The following ITIH2 variants were observed in gnomAD, a reference collection of about 807,000 sequenced individuals.
ITIH2 encodes inter-alpha-trypsin inhibitor heavy chain 2.
ITIH2 carries 103 observed loss-of-function variants against 104.4 expected under a neutral mutation model. That is an observed-to-expected ratio of 0.99 (90% CI 0.84 to 1.16). ITIH2 has a LOEUF of 1.16. Ranked by LOEUF, ITIH2 falls within the 50% of genes most tolerant of loss-of-function variation. ITIH2 has a pLI of 0.00. For synonymous variants in ITIH2, 436 were observed against 435.4 expected (o/e 1.00, Z -0.02); for missense variants, 1,108 against 1,162.4 (o/e 0.95, Z 0.68).
At chr10:7,714,322 T>C (rs1247335061) in intron 5 of ITIH2, among the ~76,000 whole-genome samples, 3 of 151,826 alleles carry the variant, frequency 2.0e-5, no homozygotes, top group East Asian at 1.9e-4. Flanking sequence ...CAGGCACCCA[T>C]CACCATGCCC....
chr10:7,742,334 C>T (rs1835134745), intron 16 of ITIH2, among the ~76,000 whole-genome samples: 1 of 152,060 alleles, frequency 6.6e-6, no homozygotes, highest in South Asian at 2.1e-4. Flanking sequence ...GGAGTACTTT[C>T]TTGGGAGTAG....
At chr10:7,725,977 G>C (rs1564302351) in intron 9 of ITIH2, among the ~76,000 whole-genome samples, 1 of 152,204 alleles carries the variant, frequency 6.6e-6, no homozygotes, top group African/African-American at 2.4e-5. Flanking sequence ...GGCCCTGGAA[G>C]ACAATTGAGG....
chr10:7,730,153 T>C lies in ITIH2; in HGVS notation c.1461+20T>C, dbSNP rs1187441740. ...CTTAAGGTAACATTTTCTTCTGTTC[T>C]TTTTTTATTCTTCACTGGAAATCAT... On this transcript the variant is annotated intron_variant, in intron 12 of 20. Transcript: ENST00000358415. 1.9e-6 allele frequency: 3 copies of C among 1,549,268 alleles called. No individual in the cohort carries two copies. The highest frequency in any genetic ancestry group is 2.3e-5 in the East Asian group (1 of 44,254).
rs145255855 is a variant in ITIH2 at position 7,729,988 on chromosome 10, A to G, written c.1316A>G (p.Lys439Arg). 2 of 1,609,040 alleles carry G rather than the reference A, an allele frequency of 1.2e-6. No individual in the cohort carries two copies. Among genetic ancestry groups the G allele is most frequent in the Non-Finnish European group, 1.7e-6 (2 of 1,178,518 alleles). The change falls in exon 12 of 21, where the codon AAG (lysine) becomes AGG (arginine). Residue 439 changes from lysine (K) to arginine (R), a missense_variant. Coordinates refer to ENST00000358415, the MANE Select transcript of ITIH2 (RefSeq NM_002216.3). Reference protein sequence around the residue: ...LKLSKIQKNVKENIQDNISLF... With the variant: ...LKLSKIQKNVRENIQDNISLF... ...CTGTCAAAAATTCAGAAAAACGTTAAGGAGAACATCCAAGACAATATCTCC... is the reference window on the plus strand; with the variant it reads ...CTGTCAAAAATTCAGAAAAACGTTAGGGAGAACATCCAAGACAATATCTCC...
Position 7,715,294 on chromosome 10 carries a change from G to A in ITIH2, c.467+2009G>A, listed in dbSNP as rs529642201. On this transcript the variant is annotated intron_variant, in intron 5 of 20. Transcript: ENST00000358415. ...AAATTAGCTGGGCGTGGTGGCGTGT[G>A]CCTGTAATCCCAGCTACTCAGGAGG... Among the ~76,000 whole-genome samples, 10 of 152,184 alleles carry A rather than the reference G, an allele frequency of 6.6e-5. No homozygotes were observed. In the East Asian group the frequency reaches 1.9e-3, roughly 29 times the overall value.
rs186624435 is a variant in ITIH2, at chr10:7,704,280, C to T, written c.84+762C>T. 6.0e-4 allele frequency among the ~76,000 whole-genome samples: 92 copies of T among 152,290 alleles called. No homozygotes were observed. The East Asian group carries it at 0.01, about 17-fold the overall frequency. On this transcript the variant is annotated intron_variant, in intron 1 of 20. Coordinates refer to ENST00000358415, the MANE Select transcript of ITIH2 (RefSeq NM_002216.3). Reference sequence around the variant, plus strand: ...CCTATAAAAATGCCAGAGAATATGACGGCATATTTACAAAGGGAAAATATC... The same window carrying T: ...CCTATAAAAATGCCAGAGAATATGATGGCATATTTACAAAGGGAAAATATC...
At chr10:7,733,089 C>T (rs759901981) in intron 14 of ITIH2, among the ~76,000 whole-genome samples, 1 of 152,000 alleles carries the variant, frequency 6.6e-6, no homozygotes, top group Non-Finnish European at 1.5e-5. Flanking sequence ...CGTGTAATCA[C>T]CACCCAGATC....
At chr10:7,732,116 G>T (rs924466647) in intron 13 of ITIH2, 120 bp downstream of exon 13, 14 of 897,104 alleles carry the variant, frequency 1.6e-5, no homozygotes, top group Non-Finnish European at 2.4e-5. Flanking sequence ...CAGTGATGGA[G>T]AAGGCATGAG....
At chr10:7,726,729 T>C (rs927748879) in intron 9 of ITIH2, among the ~76,000 whole-genome samples, 1 of 152,208 alleles carries the variant, frequency 6.6e-6, no homozygotes, top group Non-Finnish European at 1.5e-5. Context: ...TGGTTGTGCA[T>C]AGCAAAATAG....
At chr10:7,720,730 TG>T in intron 6 of ITIH2, 125 bp from the exon 7 acceptor site, 1 of 607,456 alleles carries the variant, frequency 1.6e-6, no homozygotes, top group Non-Finnish European at 3.0e-6. Context: ...GGAGAGATCG[TG>T]GAGTCGTGCC....
chr10:7,712,369 G>A (rs1343369878), intron 4 of ITIH2, among the ~76,000 whole-genome samples: 5 of 152,130 alleles, frequency 3.3e-5, no homozygotes, highest in Admixed American at 6.5e-5. Flanking sequence ...GCCCCACCTC[G>A]TAATGTCATC....
intron 14 of ITIH2, among the ~76,000 whole-genome samples, chr10:7,733,205 A>G (rs569040369): frequency 6.6e-6 from 1 of 152,220 alleles, no homozygotes; most frequent in East Asian, 1.9e-4. Context: ...TAAATTTCAC[A>G]TAATCATGCA....
chr10:7,738,519 C>A, intron 15 of ITIH2, 102 bp from the exon 16 acceptor site: 1 of 1,327,962 alleles, frequency 7.5e-7, no homozygotes, highest in Non-Finnish European at 1.1e-6. Context: ...AAAACCTAAG[C>A]TGACAATACC....
Position 7,720,875 on chromosome 10 carries a change from AACCACAGGG to A in ITIH2, c.653_661del (p.Pro218_Gly220del). 1 of 1,611,664 alleles carries A rather than the reference AACCACAGGG, an allele frequency of 6.2e-7. No individual in the cohort carries two copies. Among genetic ancestry groups the A allele is most frequent in the Non-Finnish European group, 8.5e-7 (1 of 1,177,736 alleles). On this transcript the variant is annotated inframe_deletion, in exon 7 of 21. Coordinates refer to ENST00000358415, the MANE Select transcript of ITIH2 (RefSeq NM_002216.3). ...CTCTAGGTAGATGTGTGGGTTATCGAACCACAGGGACTGAGATTTCTTCATGTTCCCGAC... is the reference window on the plus strand; with the variant it reads ...CTCTAGGTAGATGTGTGGGTTATCGAACTGAGATTTCTTCATGTTCCCGAC...
intron 15 of ITIH2, among the ~76,000 whole-genome samples, chr10:7,737,057 A>G (rs1235950488): frequency 5.3e-5 from 8 of 151,934 alleles, no homozygotes; most frequent in Non-Finnish European, 1.0e-4. Flanking sequence ...CTTGCTCCCA[A>G]TCATTGGAAT....
In ITIH2 at chr10:7,727,736, T is replaced by C. The variant is rs1270142244; in HGVS notation, c.1187T>C (p.Ile396Thr). ...ATCAACGAAGCACTCCTACGGGCAA[T>C]CTTCATTTTGAATGAAGCCAATAAC... ...TNINEALLRA[I>T]FILNEANNLG... Residue 396 changes from isoleucine to threonine, a missense_variant, in exon 11 of 21, where the codon ATC (isoleucine) becomes ACC (threonine). Ile to Thr is a moderately conservative substitution (Grantham distance 89, BLOSUM62 -1). Coordinates refer to ENST00000358415, the MANE Select transcript of ITIH2 (RefSeq NM_002216.3). The C allele has an allele frequency of 1.2e-6, 2 of 1,613,968 alleles. No homozygotes were observed. Among genetic ancestry groups the C allele is most frequent in the African/African-American group, 2.7e-5 (2 of 74,918 alleles).
At position 7,720,931 on chromosome 10, in the gene ITIH2, G is replaced by A; in HGVS notation, c.706G>A (p.Gly236Ser). 1 of 1,613,370 alleles carries A rather than the reference G, an allele frequency of 6.2e-7. No individual in the cohort carries two copies. Among genetic ancestry groups the A allele is most frequent in the Non-Finnish European group, 8.5e-7 (1 of 1,179,362 alleles). Residue 236 changes from glycine to serine, a missense_variant, in exon 7 of 21, where the codon GGT becomes AGT. Gly to Ser is a moderately conservative substitution (Grantham distance 56). Transcript: ENST00000358415. Reference sequence around the variant, plus strand: ...CGACACATTTGAAGGCCATTTCGATGGTGTTCCGGTCATTTCTAAAGGACA... The same window carrying A: ...CGACACATTTGAAGGCCATTTCGATAGTGTTCCGGTCATTTCTAAAGGACA... ...VPDTFEGHFD[G>S]VPVISKGQQK...
chr10:7,706,467 G>A (rs777647116), intron 2 of ITIH2, among the ~76,000 whole-genome samples: 4 of 152,150 alleles, frequency 2.6e-5, no homozygotes, highest in Non-Finnish European at 5.9e-5. Context: ...CTAGCATGGT[G>A]GTTAAAAGCA....
At chr10:7,730,582 G>T (rs1437859940) in intron 12 of ITIH2, among the ~76,000 whole-genome samples, 1 of 152,288 alleles carries the variant, frequency 6.6e-6, no homozygotes, top group East Asian at 1.9e-4. Flanking sequence ...GCTCTTTGGA[G>T]GCCAAGGTGG....
Sources: allele counts gnomAD v4.1 joint callset (sites outside exome capture counted in the v4.1 genomes callset), GRCh38; gene constraint gnomAD v4.1.1; transcripts MANE v1.5; gene names NCBI Gene and HGNC (gene_info 2026-07-23, HGNC 2026-07-21).